ACAD10: variants seen among roughly 807,000 people sequenced by gnomAD.
The protein encoded by ACAD10 is acyl-CoA dehydrogenase family member 10, also known as ACAD-10.
A neutral mutation model predicts 116.8 loss-of-function variants in ACAD10; 112 were observed. That is an observed-to-expected ratio of 0.96 (90% CI 0.82 to 1.12). The LOEUF is 1.12. Ranked by LOEUF, ACAD10 falls within the 50% of genes most tolerant of loss-of-function variation. ACAD10 has a pLI of 0.00. For synonymous variants in ACAD10, 486 were observed against 510.6 expected (o/e 0.95, Z 0.65); for missense variants, 1,259 against 1,350.2 (o/e 0.93, Z 1.06).
At chr12:111,740,743 C>G (rs531789085) in intron 12 of ACAD10, among the ~76,000 whole-genome samples, 4 of 136,384 alleles carry the variant, frequency 2.9e-5, no homozygotes, top group African/African-American at 8.4e-5. Flanking sequence ...GATTGCTTCA[C>G]TGTTCACTCC....
At chr12:111,702,376 C>G in intron 3 of ACAD10, 66 bp downstream of exon 3, 1 of 1,560,162 alleles carries the variant, frequency 6.4e-7, no homozygotes, top group Non-Finnish European at 8.7e-7. Flanking sequence ...TTGCAACATT[C>G]ATGTATAAGT....
At chr12:111,749,117 ACATC>A in intron 17 of ACAD10, 52 bp from the exon 18 acceptor site, 1 of 1,613,898 alleles carries the variant, frequency 6.2e-7, no homozygotes, top group Non-Finnish European at 8.5e-7. Flanking sequence ...AGGAATAAAC[ACATC>A]CAAGGAAAAT....
intron 11 of ACAD10, among the ~76,000 whole-genome samples, chr12:111,736,294 C>A (rs1307002620): frequency 6.7e-6 from 1 of 148,992 alleles, no homozygotes; most frequent in African/African-American, 2.5e-5. Context: ...TCATGCAATT[C>A]TCCTGTCTCA....
intron 19 of ACAD10, among the ~76,000 whole-genome samples, chr12:111,755,436 C>T (rs1256669025): frequency 6.6e-6 from 1 of 152,082 alleles, no homozygotes; most frequent in Non-Finnish European, 1.5e-5. Context: ...GGGTCTCACT[C>T]TGTTGTCCAG....
rs1405489393 is a variant in ACAD10 at position 111,726,750 on chromosome 12, A to G, written c.1062-1212A>G. 2.0e-5 allele frequency among the ~76,000 whole-genome samples: 3 copies of G among 152,140 alleles called. No homozygotes were observed. The East Asian group carries it at 5.8e-4, about 29-fold the overall frequency. ...GTGGCACATACCTGTAGTTTCAGCTATTCGGGATGCTGAGGCAGGAGAATC... is the reference window on the plus strand; with the variant it reads ...GTGGCACATACCTGTAGTTTCAGCTGTTCGGGATGCTGAGGCAGGAGAATC... On this transcript the variant is annotated intron_variant, in intron 8 of 20. Coordinates refer to ENST00000313698, the MANE Select transcript of ACAD10 (RefSeq NM_025247.6).
At chr12:111,729,671 C>T in intron 9 of ACAD10, 135 bp from the exon 10 acceptor site, 1 of 1,051,756 alleles carries the variant, frequency 9.5e-7, no homozygotes, top group Non-Finnish European at 1.4e-6. Context: ...ATTCTCCAGT[C>T]ATAGGAACGT....
At chr12:111,748,135 G>A (rs1889968700) in intron 16 of ACAD10, among the ~76,000 whole-genome samples, 182 bp from the exon 17 acceptor site, 1 of 152,132 alleles carries the variant, frequency 6.6e-6, no homozygotes, top group African/African-American at 2.4e-5. Context: ...TCCTCACTGG[G>A]ACAAAACCCA....
At chr12:111,732,254 T>G (rs1351051835) in intron 10 of ACAD10, among the ~76,000 whole-genome samples, 1 of 152,190 alleles carries the variant, frequency 6.6e-6, no homozygotes, top group Admixed American at 6.6e-5. Context: ...TAAAGTGTAG[T>G]TTGGCCATAT....
Position 111,706,774 on chromosome 12 carries a change from A to AT in ACAD10, c.531+843dup, listed in dbSNP as rs1888520163. Reference sequence around the variant, plus strand: ...CCTATTTATTTTTTTATATATATATATATATATATTTTTTTTTTTGAGACC... The same window carrying AT: ...CCTATTTATTTTTTTATATATATATATTATATATATTTTTTTTTTTGAGACC... On this transcript the variant is annotated intron_variant, in intron 4 of 20. Transcript: ENST00000313698. Among the ~76,000 whole-genome samples the AT allele has an allele frequency of 4.4e-5, 5 of 112,480 alleles. No homozygotes were observed. In the South Asian group the frequency reaches 1.4e-3, roughly 32 times the overall value. 73.8% of individuals were successfully genotyped at this position (112,480 alleles called of 152,430 possible).
At chr12:111,690,219 C>T (rs889740667) in intron 1 of ACAD10, among the ~76,000 whole-genome samples, 3 of 152,122 alleles carry the variant, frequency 2.0e-5, no homozygotes, top group Non-Finnish European at 2.9e-5. Context: ...TTTGATATAT[C>T]TGCGTATATA....
intron 12 of ACAD10, among the ~76,000 whole-genome samples, chr12:111,738,972 A>G (rs1047231771): frequency 8.7e-6 from 1 of 114,958 alleles, no homozygotes; most frequent in Non-Finnish European, 1.6e-5. Context: ...AAAGCAACTT[A>G]TTATTCTGAA....
intron 2 of ACAD10, among the ~76,000 whole-genome samples, chr12:111,693,898 C>T (rs531972238): frequency 3.3e-5 from 5 of 152,286 alleles, no homozygotes; most frequent in South Asian, 2.1e-4. Context: ...CTGTGTGATG[C>T]GACTCTGTGG....
At chr12:111,747,010 G>A in intron 14 of ACAD10, 39 bp from the exon 15 acceptor site, 1 of 1,536,020 alleles carries the variant, frequency 6.5e-7, no homozygotes, top group Non-Finnish European at 8.8e-7. Flanking sequence ...TTTTAGAAGA[G>A]GACATGACAG....
chr12:111,699,085 C>T (rs887007409), intron 2 of ACAD10, among the ~76,000 whole-genome samples: 9 of 151,948 alleles, frequency 5.9e-5, no homozygotes, highest in Non-Finnish European at 2.9e-5. Flanking sequence ...CACCATGTTG[C>T]CCAGGCTGGC....
At chr12:111,724,665 G>C (rs1182861016) in intron 8 of ACAD10, among the ~76,000 whole-genome samples, 1 of 151,938 alleles carries the variant, frequency 6.6e-6, no homozygotes, top group East Asian at 1.9e-4. Flanking sequence ...GTGGCGGCGC[G>C]TGCCTGCAAT....
intron 18 of ACAD10, 33 bp downstream of exon 18, chr12:111,749,378 C>A: frequency 6.3e-7 from 1 of 1,587,676 alleles, no homozygotes. Flanking sequence ...AGCACTGACT[C>A]AGAACCACCA....
At chr12:111,718,777 C>G (rs1215321880) in intron 7 of ACAD10, among the ~76,000 whole-genome samples, 1 of 152,054 alleles carries the variant, frequency 6.6e-6, no homozygotes, top group Admixed American at 6.6e-5. Flanking sequence ...CTGCGCCTGG[C>G]CTGTTTTTCT....
intron 6 of ACAD10, 132 bp downstream of exon 6, chr12:111,712,789 C>T (rs925770229): frequency 2.0e-6 from 2 of 1,019,976 alleles, no homozygotes; most frequent in African/African-American, 3.2e-5. Flanking sequence ...GCCATTGGGC[C>T]TGGTGCATCG....
Position 111,757,033 on chromosome 12 carries a change from C to T in ACAD10, c.*560C>T, listed in dbSNP as rs1349770425. The T allele has an allele frequency of 5.5e-6, 2 of 364,570 alleles. No individual in the cohort carries two copies. Among genetic ancestry groups the T allele is most frequent in the Middle Eastern group, 3.8e-4 (1 of 2,632 alleles). 22.6% of individuals were successfully genotyped at this position (364,570 alleles called of 1,614,324 possible). A position where few individuals can be genotyped will look rare whatever the true frequency, so the allele number is the denominator to read the frequency against. ...ATTTGAACACACAGCACAGAACAATCATTTAAATGTTATTTTGGAAAGGGG... is the reference window on the plus strand; with the variant it reads ...ATTTGAACACACAGCACAGAACAATTATTTAAATGTTATTTTGGAAAGGGG... On this transcript the variant is annotated 3_prime_UTR_variant, in exon 21 of 21. Transcript: ENST00000313698.
Sources: allele counts gnomAD v4.1 joint callset (sites outside exome capture counted in the v4.1 genomes callset), GRCh38; gene constraint gnomAD v4.1.1; transcripts MANE v1.5; gene names NCBI Gene and HGNC (gene_info 2026-07-23, HGNC 2026-07-21).